The following GREB1 variants were observed in gnomAD, a reference collection of about 807,000 sequenced individuals.
GREB1 encodes the protein protein GREB1.
GREB1 carries 106 observed loss-of-function variants against 200.7 expected under a neutral mutation model. The ratio of observed to expected loss-of-function variants is 0.53; its 90% CI spans 0.45 to 0.62. The LOEUF (loss-of-function observed/expected upper bound fraction) is 0.62, where lower values mean the gene tolerates loss of function less well. Ranked by LOEUF, GREB1 falls within the 20% of genes least tolerant of loss-of-function variation. GREB1 has a pLI of 0.00. For missense variants in GREB1, 2,243 were observed against 2,556.8 expected (o/e 0.88, Z 2.65); for synonymous variants, 1,132 against 1,092.4 (o/e 1.04, Z -0.72).
chr2:11,508,623 G>A (rs1414025557), intron 1 of GREB1, among the ~76,000 whole-genome samples: 1 of 152,170 alleles, frequency 6.6e-6, no homozygotes, highest in African/African-American at 2.4e-5. Context: ...TTCCAGGACA[G>A]TGTAGTCTAC....
chr2:11,627,554 TCCATTGA>T (rs1170218095), intron 25 of GREB1, among the ~76,000 whole-genome samples: 14 of 152,206 alleles, frequency 9.2e-5, no homozygotes, highest in Admixed American at 2.0e-4. Flanking sequence ...GGCACAGAAA[TCCATTGA>T]TAAGAGGAGG....
rs146256441 is a variant in GREB1, at chr2:11,614,973, C to T, written c.3123-118C>T. ...TGTTGGCTTTTCCACTTGTACGAGTCCTTGGGTCCTCACCAGGAAGGTGGG... is the reference window on the plus strand; with the variant it reads ...TGTTGGCTTTTCCACTTGTACGAGTTCTTGGGTCCTCACCAGGAAGGTGGG... On this transcript the variant is annotated intron_variant, in intron 19 of 32. Transcript: ENST00000381486. 812 of 754,502 alleles carry T rather than the reference C, an allele frequency of 1.1e-3. 4 individuals are homozygous for T. The African/African-American group carries it at 0.013, about 12-fold the overall frequency. The allele number at this position is 754,502 out of a possible 1,614,324, so 46.7% of individuals were successfully genotyped here.
At position 11,578,327 on chromosome 2, in the gene GREB1, C is replaced by T. The variant is rs765138401; in HGVS notation, c.668C>T (p.Thr223Ile). The T allele has an allele frequency of 9.9e-6, 16 of 1,614,122 alleles. No homozygotes were observed. Among genetic ancestry groups the T allele is most frequent in the Non-Finnish European group, 1.2e-5 (14 of 1,179,970 alleles). ...AGAAGCCGGCAGATCCCCGCCAGTA[C>T]TTGTTCCAGTTCCCTCTTCCCAGCC... ...EFRSRQIPAS[T>I]CSSSLFPALE... The change falls in exon 6 of 33, where the codon ACT becomes ATT. Residue 223 changes from threonine (T) to isoleucine (I), a missense_variant. Physicochemically the swap from Thr to Ile is moderately conservative, Grantham distance 89. Coordinates refer to ENST00000381486, the MANE Select transcript of GREB1 (RefSeq NM_014668.4).
intron 1 of GREB1, among the ~76,000 whole-genome samples, chr2:11,505,098 A>T (rs1201486990): frequency 6.6e-6 from 1 of 151,792 alleles, no homozygotes; most frequent in Non-Finnish European, 1.5e-5. Flanking sequence ...TGCCCAGCTA[A>T]TTTTTGCATT....
intron 12 of GREB1, 118 bp from the exon 13 acceptor site, chr2:11,595,993 C>T (rs1681172661): frequency 1.0e-6 from 1 of 961,128 alleles, no homozygotes; most frequent in Non-Finnish European, 1.6e-6. Context: ...GGGCCATGTC[C>T]TCCTCTTTAC....
rs536635255 is a variant in GREB1 at position 11,569,417 on chromosome 2, G to A, written c.454+2761G>A. The stretch of plus-strand genomic sequence containing the variant: ...AGTAAATCTTACAATACATCCATGT[G>A]CGACATGGTCCAGCAGAGACGGTAA... On this transcript the variant is annotated intron_variant, in intron 4 of 32. Transcript: ENST00000381486. Among the ~76,000 whole-genome samples the A allele has an allele frequency of 1.3e-5, 2 of 152,210 alleles. 1 individual carries two copies.
intron 9 of GREB1, chr2:11,587,654 A>G: frequency 1.4e-6 from 2 of 1,389,204 alleles, no homozygotes; most frequent in Non-Finnish European, 9.3e-7. Context: ...GTCAGAAAAT[A>G]TATTTTTGGT....
chr2:11,561,547 T>A (rs1354237008), intron 2 of GREB1: 1 of 152,040 alleles, frequency 6.6e-6, no homozygotes, highest in Non-Finnish European at 1.5e-5. Context: ...GTATTTTCAG[T>A]AGAGACAGGG....
At chr2:11,593,404 G>C (rs1680928776) in intron 11 of GREB1, among the ~76,000 whole-genome samples, 2 of 130,912 alleles carry the variant, frequency 1.5e-5, no homozygotes, top group Admixed American at 1.6e-4. Context: ...CACGTGGGTG[G>C]TCACTCACAC....
At chr2:11,488,664 G>A (rs910442599) in intron 1 of GREB1, among the ~76,000 whole-genome samples, 3 of 151,838 alleles carry the variant, frequency 2.0e-5, no homozygotes, top group African/African-American at 7.3e-5. Flanking sequence ...AGTGGTGGGC[G>A]CCTGTAATCC....
At chr2:11,564,097 T>C (rs1445168854) in intron 3 of GREB1, among the ~76,000 whole-genome samples, 1 of 152,018 alleles carries the variant, frequency 6.6e-6, no homozygotes, top group African/African-American at 2.4e-5. Context: ...TGCAAAGGCT[T>C]AGTGGGTGAA....
intron 1 of GREB1, among the ~76,000 whole-genome samples, chr2:11,522,435 C>T (rs900325302): frequency 2.0e-5 from 3 of 152,160 alleles, no homozygotes; most frequent in Non-Finnish European, 4.4e-5. Context: ...AAGAGGCTTA[C>T]TTAGGAAGTT....
At chr2:11,552,868 G>A (rs1177561464) in intron 1 of GREB1, among the ~76,000 whole-genome samples, 1 of 151,956 alleles carries the variant, frequency 6.6e-6, no homozygotes, top group Non-Finnish European at 1.5e-5. Context: ...AAATTAGCCG[G>A]GCATGGTGGC....
chr2:11,606,145 C>T (rs1229776957), intron 17 of GREB1, among the ~76,000 whole-genome samples: 1 of 152,244 alleles, frequency 6.6e-6, no homozygotes, highest in African/African-American at 2.4e-5. Context: ...CTGGAACCCA[C>T]ATGTAAGCAA....
chr2:11,577,672 G>A (rs754822656), intron 5 of GREB1, among the ~76,000 whole-genome samples: 15 of 152,190 alleles, frequency 9.9e-5, no homozygotes, highest in Non-Finnish European at 2.2e-4. Flanking sequence ...GGACGCTCCC[G>A]GGCAGGTCCT....
At chr2:11,591,590 G>A (rs561242475) in intron 10 of GREB1, 9 of 633,198 alleles carry the variant, frequency 1.4e-5, no homozygotes, top group African/African-American at 7.3e-5. Context: ...TAAAACCAGC[G>A]CTTGTCCGAT....
chr2:11,592,135 T>C (rs993413627), intron 10 of GREB1: 1 of 979,014 alleles, frequency 1.0e-6, no homozygotes, highest in African/African-American at 1.8e-5. Context: ...GAATTCTGTT[T>C]AAAGACCTTC....
chr2:11,639,159 A>G (rs2148462058), intron 32 of GREB1, among the ~76,000 whole-genome samples: 1 of 152,260 alleles, frequency 6.6e-6, no homozygotes, highest in Middle Eastern at 3.4e-3. Context: ...GCACGATCTT[A>G]GCTCACTGCA....
rs1457256232 is a variant in GREB1 at position 11,611,032 on chromosome 2, G to C, written c.3006+5G>C. On this transcript the variant is annotated splice_donor_5th_base_variant and intron_variant, in intron 18 of 32. Coordinates refer to ENST00000381486, the MANE Select transcript of GREB1 (RefSeq NM_014668.4). Reference sequence around the variant, plus strand: ...CACTTCGTAAAGCAGCTCAGGGTAGGTGCTGTGCGCAGGGAGGGGCGGAGG... The same window carrying C: ...CACTTCGTAAAGCAGCTCAGGGTAGCTGCTGTGCGCAGGGAGGGGCGGAGG... 1 of 1,567,736 alleles carries C rather than the reference G, an allele frequency of 6.4e-7. No homozygotes were observed. Among genetic ancestry groups the C allele is most frequent in the Non-Finnish European group, 8.7e-7 (1 of 1,155,408 alleles).
Sources: gnomAD v4.1 joint callset for allele counts (sites outside exome capture counted in the v4.1 genomes callset) on GRCh38, gnomAD v4.1.1 for gene constraint, MANE v1.5 for transcripts, NCBI Gene and HGNC (gene_info 2026-07-23, HGNC 2026-07-21) for gene names.